Variants in CFAP46 observed in about 807,000 individuals in gnomAD.
The protein encoded by CFAP46 is cilia and flagella associated protein 46, also known as cilia- and flagella-associated protein 46.
A neutral mutation model predicts 325.7 loss-of-function variants in CFAP46; 245 were observed. The observed-to-expected ratio is 0.75, with a 90% CI of 0.68 to 0.84. The LOEUF (loss-of-function observed/expected upper bound fraction) is 0.84. Ranked by LOEUF, CFAP46 falls within the 40% of genes least tolerant of loss-of-function variation. CFAP46 has a pLI of 0.00. For synonymous variants in CFAP46, 1,523 were observed against 1,495.9 expected (o/e 1.02, Z -0.42); for missense variants, 3,346 against 3,543.0 (o/e 0.94, Z 1.41).
chr10:132,835,616 G>A (rs182234267), intron 46 of CFAP46, among the ~76,000 whole-genome samples, 182 bp from the exon 47 acceptor site: 437 of 152,210 alleles, frequency 2.9e-3, no homozygotes, highest in Middle Eastern at 6.8e-3. Flanking sequence ...ACATCATTGC[G>A]CAGGCAGCGG....
intron 28 of CFAP46, among the ~76,000 whole-genome samples, chr10:132,880,192 G>A (rs925071847): frequency 4.6e-5 from 7 of 152,188 alleles, no homozygotes; most frequent in African/African-American, 1.7e-4. Context: ...CAGGACTGCC[G>A]AGCCACCCCA....
In CFAP46 at chr10:132,924,809, G is replaced by A. The variant is rs749955301; in HGVS notation, c.1143C>T (p.His381=). 185 of 1,489,738 alleles carry A rather than the reference G, an allele frequency of 1.2e-4. No homozygotes were observed. The highest frequency in any genetic ancestry group is 4.0e-4 in the South Asian group (31 of 76,644). 92.3% of individuals were successfully genotyped at this position (1,489,738 alleles called of 1,614,324 possible). A position where few individuals can be genotyped will look rare whatever the true frequency, so the allele number is the denominator to read the frequency against. ...AVRLGDPRVI[H]VVCATQWNTC... ...TGTTCCACTGCGTGGCGCACACCACGTGGATGACCCGGGGGTCGCCCAGGC... is the reference window on the plus strand; with the variant it reads ...TGTTCCACTGCGTGGCGCACACCACATGGATGACCCGGGGGTCGCCCAGGC... The change falls in exon 11 of 58, where the codon CAC becomes CAT. Residue 381 remains histidine (H), a synonymous_variant. Transcript: ENST00000368586.
chr10:132,900,889 C>T (rs1272990369), intron 22 of CFAP46, among the ~76,000 whole-genome samples: 5 of 152,242 alleles, frequency 3.3e-5, no homozygotes, highest in East Asian at 1.9e-4. Flanking sequence ...GAATCGTAGA[C>T]GTATCCATGT....
chr10:132,882,604 G>T (rs1333834425), intron 27 of CFAP46, among the ~76,000 whole-genome samples: 1 of 151,946 alleles, frequency 6.6e-6, no homozygotes, highest in East Asian at 1.9e-4. Flanking sequence ...CTAGCGGGTG[G>T]GGGGTCTGGG....
chr10:132,872,652 C>T, intron 32 of CFAP46, 24 bp downstream of exon 32: 1 of 1,550,490 alleles, frequency 6.4e-7, no homozygotes. Context: ...GGAAATCACA[C>T]TCCGAAAAAG....
chr10:132,838,939 G>A (rs910884461), intron 44 of CFAP46, among the ~76,000 whole-genome samples: 1 of 152,200 alleles, frequency 6.6e-6, no homozygotes, highest in Non-Finnish European at 1.5e-5. Context: ...GGTTATCTGC[G>A]TCAGGCTTCA....
intron 57 of CFAP46, among the ~76,000 whole-genome samples, chr10:132,809,721 C>T (rs936896183): frequency 6.6e-6 from 1 of 152,076 alleles, no homozygotes; most frequent in African/African-American, 2.4e-5. Context: ...CTCCTCCCGC[C>T]TCACCGTGGC....
chr10:132,866,264 C>A, intron 34 of CFAP46, 93 bp from the exon 35 acceptor site: 1 of 1,318,016 alleles, frequency 7.6e-7, no homozygotes, highest in South Asian at 1.9e-5. Context: ...CCATCTGTAC[C>A]ACACAGGGAG....
Position 132,808,543 on chromosome 10 carries a change from G to A in CFAP46, c.8026C>T (p.Arg2676Cys), listed in dbSNP as rs866587093. Residue 2676 changes from arginine (R) to cysteine (C), a missense_variant, in exon 58 of 58, where the codon CGT becomes TGT. Transcript: ENST00000368586. This position sits in a 1 kb window ranked among gnomAD's most constrained non-coding sequence, Gnocchi z 6.8. ...GAAGAGACGCAGCTCCAGCCCCGAC[G>A]CAGACCCCATGGCGCACACAGGCAG... is the stretch of plus-strand genomic sequence containing the variant. The part of the protein sequence containing the change: ...SACLCAPWGL[R>C]RGWSCVSSRG... The A allele has an allele frequency of 1.1e-5, 17 of 1,612,912 alleles. No homozygotes were observed. The highest frequency in any genetic ancestry group is 6.7e-5 in the Admixed American group (4 of 60,000).
chr10:132,855,165 AATTTT>A (rs60481636), intron 39 of CFAP46, among the ~76,000 whole-genome samples: 103,529 of 151,472 alleles, frequency 0.68, 36,364 homozygotes, highest in African/African-American at 0.84. Flanking sequence ...TCTCCGTTGC[AATTTT>A]ATTTTATCAG....
At position 132,880,944 on chromosome 10, in the gene CFAP46, A is replaced by G. The variant is rs1200920739; in HGVS notation, c.3716T>C (p.Val1239Ala). The G allele has an allele frequency of 9.7e-6, 15 of 1,550,432 alleles. No individual in the cohort carries two copies. Among genetic ancestry groups the G allele is most frequent in the Non-Finnish European group, 1.3e-5 (15 of 1,146,958 alleles). ...HHRHFPLEDVVFHLRWAVEIL... is the reference protein window; with the variant it reads ...HHRHFPLEDVAFHLRWAVEIL... ...CTCGACAGCCCAGCGGAGGTGGAAG[A>G]CCACGTCCTCGAGAGGAAAGTGTCT... The change falls in exon 28 of 58, where the codon GTC becomes GCC. Residue 1239 changes from valine (V) to alanine (A), a missense_variant. By Grantham distance (64) the Val-to-Ala change is moderately conservative (BLOSUM62 0). Coordinates refer to ENST00000368586, the MANE Select transcript of CFAP46 (RefSeq NM_001200049.3).
At position 132,934,806 on chromosome 10, in the gene CFAP46, T is replaced by C. The variant is rs1242358127; in HGVS notation, c.812A>G (p.Tyr271Cys). 12 of 1,613,344 alleles carry C rather than the reference T, an allele frequency of 7.4e-6. No individual in the cohort carries two copies. The highest frequency in any genetic ancestry group is 1.7e-5 in the Admixed American group (1 of 60,006). Residue 271 changes from tyrosine (Y) to cysteine (C), a missense_variant, in exon 8 of 58, where the codon TAC becomes TGC. Coordinates refer to ENST00000368586, the MANE Select transcript of CFAP46 (RefSeq NM_001200049.3). Reference sequence around the variant, plus strand: ...GTGGTTGTAATGACCTAAGTGTCTGTAGGCCTTCCTCAGAATGACACTGAT... The same window carrying C: ...GTGGTTGTAATGACCTAAGTGTCTGCAGGCCTTCCTCAGAATGACACTGAT... ...GDISVILRKA[Y>C]RHLGHYNHQR...
intron 22 of CFAP46, among the ~76,000 whole-genome samples, chr10:132,900,589 A>T (rs2135484846): frequency 6.6e-6 from 1 of 152,376 alleles, no homozygotes; most frequent in Middle Eastern, 3.4e-3. Context: ...GAGTCAAAGG[A>T]GGAAGGCGCT....
intron 19 of CFAP46, among the ~76,000 whole-genome samples, 189 bp downstream of exon 19, chr10:132,912,462 CCTCT>C (rs560650825): frequency 1.3e-4 from 17 of 129,898 alleles, no homozygotes; most frequent in African/African-American, 2.9e-4. Flanking sequence ...TCTCTCTTCA[CCTCT>C]CTCTCTCTTC....
intron 25 of CFAP46, among the ~76,000 whole-genome samples, chr10:132,887,531 CCTCTCCCCTCTT>C (rs1849168644): frequency 9.1e-6 from 1 of 110,368 alleles, no homozygotes; most frequent in Non-Finnish European, 1.9e-5. Context: ...TCTCCTCTCT[CCTCTCCCCTCTT>C]CTCTCCTCTC....
intron 22 of CFAP46, among the ~76,000 whole-genome samples, chr10:132,904,642 C>G (rs57206624): frequency 0.16 from 23,989 of 152,338 alleles, 2,280 homozygotes; most frequent in East Asian, 0.45. Context: ...GTGTGCCGCT[C>G]TGCCCTCCAC....
intron 10 of CFAP46, among the ~76,000 whole-genome samples, chr10:132,926,275 G>A (rs1157247872): frequency 6.6e-6 from 1 of 152,220 alleles, no homozygotes; most frequent in Non-Finnish European, 1.5e-5. Flanking sequence ...ACACGGCGGG[G>A]AGGGGGCAGC....
intron 16 of CFAP46, among the ~76,000 whole-genome samples, chr10:132,917,071 G>GATGACC (rs1263812276): frequency 6.6e-6 from 1 of 152,262 alleles, no homozygotes; most frequent in Non-Finnish European, 1.5e-5. Flanking sequence ...CCGGGGCGTG[G>GATGACC]ATGACCATGT....
At position 132,919,957 on chromosome 10, in the gene CFAP46, GGCCACATGCAGGGTCAGCTCAGCC is replaced by G; in HGVS notation, c.1730+78_1730+101del. The G allele has an allele frequency of 7.2e-7, 1 of 1,380,154 alleles. No individual in the cohort carries two copies. The allele number at this position is 1,380,154 out of a possible 1,614,324, so 85.5% of individuals were successfully genotyped here. On this transcript the variant is annotated intron_variant, in intron 14 of 57. Transcript: ENST00000368586. The surrounding 1 kb of genome is among the most constrained non-coding windows in gnomAD (Gnocchi z 9.7). ...CAGGTGGCCTGGCGAGTCCCCAGAC[GGCCACATGCAGGGTCAGCTCAGCC>G]GCCACAGACACTGGCCCTCGGGCTG...
Sources: gnomAD v4.1 joint callset for allele counts (sites outside exome capture counted in the v4.1 genomes callset) on GRCh38, gnomAD v4.1.1 for gene constraint, Gnocchi (gnomAD v3.1) non-coding constraint, MANE v1.5 for transcripts, NCBI Gene and HGNC (gene_info 2026-07-23, HGNC 2026-07-21) for gene names.